The following PTPRK variants were observed in gnomAD, a reference collection of about 807,000 sequenced individuals.
PTPRK encodes protein tyrosine phosphatase receptor type K.
In PTPRK, 75 loss-of-function variants were observed where a neutral mutation model predicts 178.0. The ratio of observed to expected loss-of-function variants is 0.42; its 90% CI spans 0.35 to 0.51. PTPRK has a LOEUF of 0.51. Ranked by LOEUF, PTPRK falls within the 20% of genes least tolerant of loss-of-function variation. The pLI is 0.02. For missense variants in PTPRK, 1,441 were observed against 1,797.8 expected, an observed-to-expected ratio of 0.80 and a Z score of 3.59; for synonymous variants, 637 against 620.6, an observed-to-expected ratio of 1.03 and a Z score of -0.39.
chr6:128,368,511 CA>C (rs756675654), intron 2 of PTPRK, among the ~76,000 whole-genome samples: 27 of 152,096 alleles, frequency 1.8e-4, no homozygotes, highest in Non-Finnish European at 3.5e-4. Flanking sequence ...AATTTTCCCC[CA>C]ATGAAACTTT....
At chr6:128,189,235 C>CTTTTTTTTT (rs71028115) in intron 6 of PTPRK, among the ~76,000 whole-genome samples, 123 of 67,452 alleles carry the variant, frequency 1.8e-3, no homozygotes, top group Non-Finnish European at 2.5e-3. Context: ...TACTCTTTTT[C>CTTTTTTTTT]TTTTTTTTTT....
At chr6:128,060,452 T>C (rs1452395730) in intron 13 of PTPRK, among the ~76,000 whole-genome samples, 2 of 152,176 alleles carry the variant, frequency 1.3e-5, no homozygotes, top group Non-Finnish European at 2.9e-5. Context: ...TAAGACTTAT[T>C]ATAAGAAGTA....
At chr6:128,052,417 T>C (rs1305731784) in intron 13 of PTPRK, among the ~76,000 whole-genome samples, 1 of 152,208 alleles carries the variant, frequency 6.6e-6, no homozygotes, top group Non-Finnish European at 1.5e-5. Flanking sequence ...TTGCTATATC[T>C]CTTTGGTCCC....
At chr6:128,242,660 G>T in intron 3 of PTPRK, 58 bp from the exon 4 acceptor site, 1 of 1,585,830 alleles carries the variant, frequency 6.3e-7, no homozygotes, top group Non-Finnish European at 8.5e-7. Context: ...TTTCTACAGT[G>T]GAGGGGAATA....
At chr6:127,976,593 A>G in intron 27 of PTPRK, 64 bp downstream of exon 27, 4 of 1,581,126 alleles carry the variant, frequency 2.5e-6, no homozygotes, top group Non-Finnish European at 3.5e-6. Flanking sequence ...GAATAAAATT[A>G]TACCACATCT....
intron 11 of PTPRK, among the ~76,000 whole-genome samples, chr6:128,076,772 C>T (rs1478151646): frequency 4.0e-5 from 6 of 151,866 alleles, no homozygotes; most frequent in Admixed American, 2.6e-4. Flanking sequence ...AATTTAAAAA[C>T]GTGTATCAAT....
intron 7 of PTPRK, among the ~76,000 whole-genome samples, chr6:128,174,071 A>G (rs1009522442): frequency 2.0e-5 from 3 of 151,990 alleles, no homozygotes; most frequent in African/African-American, 7.2e-5. Context: ...ATAGTGGTGG[A>G]CATATGAGTG....
intron 18 of PTPRK, 42 bp from the exon 19 acceptor site, chr6:127,992,751 T>A: frequency 2.0e-6 from 3 of 1,474,292 alleles, no homozygotes; most frequent in Non-Finnish European, 1.9e-6. Flanking sequence ...TACATCAATA[T>A]CAGAAATAAA....
intron 6 of PTPRK, among the ~76,000 whole-genome samples, chr6:128,211,587 A>AT (rs1279924000): frequency 4.6e-5 from 7 of 151,974 alleles, no homozygotes; most frequent in Admixed American, 2.0e-4. Context: ...CATTTTATGC[A>AT]TTTTTTTGTT....
chr6:128,210,075 C>T (rs1015557046), intron 6 of PTPRK, among the ~76,000 whole-genome samples: 10 of 151,950 alleles, frequency 6.6e-5, no homozygotes, highest in Non-Finnish European at 1.2e-4. Context: ...GGAGGGAGAT[C>T]AATAAGTAGG....
chr6:128,326,755 G>A (rs1367678960), intron 2 of PTPRK, among the ~76,000 whole-genome samples: 1 of 152,042 alleles, frequency 6.6e-6, no homozygotes, highest in East Asian at 1.9e-4. Context: ...GGCTGTAATT[G>A]TCTTCTAGGT....
At chr6:128,183,977 C>T (rs758633310) in intron 7 of PTPRK, among the ~76,000 whole-genome samples, 1 of 152,136 alleles carries the variant, frequency 6.6e-6, no homozygotes, top group Non-Finnish European at 1.5e-5. Context: ...GTTATCTCAA[C>T]GAGGCATTGT....
chr6:127,987,923 C>G (rs972919363), intron 21 of PTPRK, among the ~76,000 whole-genome samples: 2 of 152,004 alleles, frequency 1.3e-5, no homozygotes, highest in African/African-American at 4.8e-5. Flanking sequence ...TAGAGTATTA[C>G]TATAAATATT....
intron 7 of PTPRK, among the ~76,000 whole-genome samples, chr6:128,126,012 T>C (rs904024718): frequency 2.0e-5 from 3 of 152,284 alleles, no homozygotes; most frequent in Admixed American, 6.5e-5. Context: ...GACTCAAGCA[T>C]GTTTATGTAT....
intron 7 of PTPRK, among the ~76,000 whole-genome samples, chr6:128,131,822 G>A (rs915325988): frequency 6.6e-6 from 1 of 152,172 alleles, no homozygotes; most frequent in African/African-American, 2.4e-5. Flanking sequence ...GCCAATGAAT[G>A]CTGTGATAAT....
At chr6:128,012,817 G>A (rs1005440118) in intron 13 of PTPRK, among the ~76,000 whole-genome samples, 1 of 151,532 alleles carries the variant, frequency 6.6e-6, no homozygotes, top group Admixed American at 6.6e-5. Flanking sequence ...GGACATTAGA[G>A]ATAGAAGCCT....
At chr6:128,177,496 T>C (rs1167844958) in intron 7 of PTPRK, among the ~76,000 whole-genome samples, 1 of 151,794 alleles carries the variant, frequency 6.6e-6, no homozygotes, top group Non-Finnish European at 1.5e-5. Context: ...TAAAGTACTA[T>C]GAATAAATAA....
intron 2 of PTPRK, 40 bp downstream of exon 2, chr6:128,397,526 A>T (rs1035551734): frequency 7.5e-6 from 12 of 1,606,582 alleles, no homozygotes; most frequent in Non-Finnish European, 1.0e-5. Context: ...GATACTGCAA[A>T]ACTATTCCCC....
intron 27 of PTPRK, among the ~76,000 whole-genome samples, chr6:127,974,871 T>G (rs945294249): frequency 1.3e-5 from 2 of 152,150 alleles, no homozygotes; most frequent in Non-Finnish European, 2.9e-5. Context: ...TCCCCAAAAG[T>G]AGTAGTGTTG....
Sources: allele counts gnomAD v4.1 joint callset (sites outside exome capture counted in the v4.1 genomes callset), GRCh38; gene constraint gnomAD v4.1.1; transcripts MANE v1.5; gene names NCBI Gene and HGNC (gene_info 2026-07-23, HGNC 2026-07-21).